PTPRR: variants seen among roughly 807,000 people sequenced by gnomAD.
The protein encoded by PTPRR is protein tyrosine phosphatase receptor type R.
Under a neutral mutation model 77.2 loss-of-function variants are expected in PTPRR, and 38 were observed. The ratio of observed to expected loss-of-function variants is 0.49; its 90% CI spans 0.38 to 0.65. The LOEUF is 0.65. Among genes scored for constraint, PTPRR ranks in the 30% least tolerant of loss-of-function variants. PTPRR has a pLI of 0.00. For missense variants in PTPRR, 744 were observed against 799.2 expected (o/e 0.93, Z 0.83); for synonymous variants, 299 against 283.1 (o/e 1.06, Z -0.57).
chr12:70,862,205 C>T (rs73332158), intron 2 of PTPRR, among the ~76,000 whole-genome samples: 8,989 of 152,120 alleles, frequency 0.059, 370 homozygotes, highest in African/African-American at 0.12. Context: ...GGTTAAATTC[C>T]AGCTTCAGCT....
At position 70,807,484 on chromosome 12, in the gene PTPRR, C is replaced by G. The variant is rs372539630; in HGVS notation, c.358-42706G>C. ...TCTTCTAACCAATATCTTCTCCCCC[C>G]ACCCCACCAGATACAATGTACTTGT... On this transcript the variant is annotated intron_variant, in intron 2 of 13. Transcript: ENST00000283228. Among the ~76,000 whole-genome samples the G allele has an allele frequency of 2.0e-5, 3 of 152,158 alleles. 1 individual carries two copies. In the South Asian group the frequency reaches 6.2e-4, roughly 32 times the overall value.
At chr12:70,674,550 AATCTT>A (rs1887372622) in intron 10 of PTPRR, among the ~76,000 whole-genome samples, 1 of 152,068 alleles carries the variant, frequency 6.6e-6, no homozygotes, top group South Asian at 2.1e-4. Flanking sequence ...TGTATTTTTT[AATCTT>A]ATCTTTCTGC....
At chr12:70,652,408 A>T (rs537187995) in intron 13 of PTPRR, among the ~76,000 whole-genome samples, 6 of 152,226 alleles carry the variant, frequency 3.9e-5, no homozygotes, top group African/African-American at 1.4e-4. Context: ...AAGAGACAAG[A>T]AAAGGAAAAC....
At chr12:70,672,278 G>T (rs1173617849) in intron 10 of PTPRR, 1 of 1,593,650 alleles carries the variant, frequency 6.3e-7, no homozygotes. Context: ...CCACTGCAAA[G>T]AACAGAATGT....
chr12:70,694,436 A>C (rs774803995), intron 8 of PTPRR, among the ~76,000 whole-genome samples: 7 of 152,214 alleles, frequency 4.6e-5, no homozygotes, highest in African/African-American at 7.2e-5. Flanking sequence ...GATAAAGAAA[A>C]TGTGGTACAC....
chr12:70,698,250 A>G lies in PTPRR; in HGVS notation c.1279+15T>C. The G allele has an allele frequency of 6.2e-7, 1 of 1,609,066 alleles. No homozygotes were observed. Among genetic ancestry groups the G allele is most frequent in the Non-Finnish European group, 8.5e-7 (1 of 1,176,010 alleles). ...GCCCCCCATACAATGCAAATTATAA[A>G]ATCAAGAAGCTTACTTGGTAAAATG... is the stretch of plus-strand genomic sequence containing the variant. On this transcript the variant is annotated intron_variant, in intron 8 of 13. Coordinates refer to ENST00000283228, the MANE Select transcript of PTPRR (RefSeq NM_002849.4).
At chr12:70,666,943 T>TG in intron 10 of PTPRR, among the ~76,000 whole-genome samples, 6 of 60,040 alleles carry the variant, frequency 1.0e-4, no homozygotes. Flanking sequence ...CTGTTTTTTT[T>TG]TTTTTTTTTT....
chr12:70,674,021 T>G (rs1423387392), intron 10 of PTPRR, among the ~76,000 whole-genome samples: 1 of 152,068 alleles, frequency 6.6e-6, no homozygotes, highest in African/African-American at 2.4e-5. Flanking sequence ...ACAACCTCAA[T>G]CTTCTGGGCT....
chr12:70,700,394 A>G (rs988719141), intron 7 of PTPRR, among the ~76,000 whole-genome samples: 1 of 152,186 alleles, frequency 6.6e-6, no homozygotes, highest in African/African-American at 2.4e-5. Context: ...CACTAGCAAC[A>G]CTGGTATGTC....
intron 2 of PTPRR, among the ~76,000 whole-genome samples, chr12:70,806,229 C>T (rs1891707106): frequency 6.6e-6 from 1 of 152,122 alleles, no homozygotes; most frequent in South Asian, 2.1e-4. Flanking sequence ...TGAAAGCAAC[C>T]TTGAACTGGC....
chr12:70,705,909 C>G (rs542707879), intron 6 of PTPRR, among the ~76,000 whole-genome samples: 1 of 152,176 alleles, frequency 6.6e-6, no homozygotes, highest in Non-Finnish European at 1.5e-5. Context: ...GGCCATGAAT[C>G]TGACAATCTT....
At chr12:70,880,939 T>G (rs1015381805) in intron 2 of PTPRR, among the ~76,000 whole-genome samples, 2 of 152,190 alleles carry the variant, frequency 1.3e-5, no homozygotes, top group African/African-American at 2.4e-5. Flanking sequence ...AAGTTATACT[T>G]AACATATAGA....
intron 2 of PTPRR, among the ~76,000 whole-genome samples, chr12:70,848,434 T>C (rs1328364507): frequency 6.6e-6 from 1 of 152,092 alleles, no homozygotes; most frequent in Non-Finnish European, 1.5e-5. Flanking sequence ...TTCAAGAGAT[T>C]CTCCAGAGCA....
chr12:70,771,169 A>AAT (rs1890966025), intron 2 of PTPRR, among the ~76,000 whole-genome samples: 1 of 151,696 alleles, frequency 6.6e-6, no homozygotes, highest in Non-Finnish European at 1.5e-5. Flanking sequence ...ATAAATTAAA[A>AAT]AAAAATAAAA....
Position 70,804,139 on chromosome 12 carries a change from C to CTGTGTGTGTGTGTGTGTGTG in PTPRR, c.358-39381_358-39362dup, listed in dbSNP as rs58442488. On this transcript the variant is annotated intron_variant, in intron 2 of 13. Transcript: ENST00000283228. ...TGTCTTGTTTCACCTGTTCCTGGCT[C>CTGTGTGTGTGTGTGTGTGTG]TGTGTGTGTGTGTGTGTGTGTGTGT... 3.8e-3 allele frequency among the ~76,000 whole-genome samples: 522 copies of CTGTGTGTGTGTGTGTGTGTG among 137,310 alleles called. 6 individuals carry two copies. Among genetic ancestry groups the CTGTGTGTGTGTGTGTGTGTG allele is most frequent in the Non-Finnish European group, 5.7e-3 (364 of 63,870 alleles). 90.1% of individuals were successfully genotyped at this position (137,310 alleles called of 152,430 possible).
At chr12:70,741,480 T>C (rs912284370) in intron 6 of PTPRR, among the ~76,000 whole-genome samples, 3 of 152,130 alleles carry the variant, frequency 2.0e-5, no homozygotes, top group African/African-American at 7.2e-5. Context: ...CCTCCCTGTA[T>C]TCCTACTCCC....
chr12:70,720,015 G>A (rs1889187208), intron 6 of PTPRR, among the ~76,000 whole-genome samples: 1 of 152,262 alleles, frequency 6.6e-6, no homozygotes, highest in African/African-American at 2.4e-5. Flanking sequence ...CCTGGAGGGT[G>A]CAAGGCGCAA....
intron 2 of PTPRR, among the ~76,000 whole-genome samples, chr12:70,868,687 G>A (rs1343878304): frequency 6.6e-6 from 1 of 151,980 alleles, no homozygotes; most frequent in Non-Finnish European, 1.5e-5. Flanking sequence ...CCATTACTGG[G>A]TATATACCCA....
At chr12:70,672,446 A>G (rs1203204961) in intron 10 of PTPRR, 1 of 1,081,298 alleles carries the variant, frequency 9.2e-7, no homozygotes, top group Non-Finnish European at 1.4e-6. Flanking sequence ...AAGGCCACAG[A>G]TGCCATGGCC....
Sources: gnomAD v4.1 joint callset for allele counts (sites outside exome capture counted in the v4.1 genomes callset) on GRCh38, gnomAD v4.1.1 for gene constraint, MANE v1.5 for transcripts, NCBI Gene and HGNC (gene_info 2026-07-23, HGNC 2026-07-21) for gene names.